Variants in AGFG2 observed in about 807,000 individuals in gnomAD.
AGFG2 encodes ArfGAP with FG repeats 2.
AGFG2 carries 31 observed loss-of-function variants against 48.0 expected under a neutral mutation model. The observed-to-expected ratio is 0.65, with a 90% CI of 0.49 to 0.87. AGFG2 has a LOEUF of 0.87. Ranked by LOEUF, AGFG2 falls within the 40% of genes least tolerant of loss-of-function variation. AGFG2 has a pLI of 0.00. For missense variants in AGFG2, 599 were observed against 632.6 expected, an observed-to-expected ratio of 0.95 and a Z score of 0.57; for synonymous variants, 229 against 260.8, an observed-to-expected ratio of 0.88 and a Z score of 1.18.
chr7:100,564,734 C>T (rs2131127998), intron 11 of AGFG2, among the ~76,000 whole-genome samples, 198 bp from the exon 12 acceptor site: 1 of 152,186 alleles, frequency 6.6e-6, no homozygotes, highest in African/African-American at 2.4e-5. Flanking sequence ...GAACTCCTGA[C>T]CTCAGGTGAT....
At chr7:100,543,937 C>T (rs1162588803) in intron 1 of AGFG2, among the ~76,000 whole-genome samples, 1 of 152,228 alleles carries the variant, frequency 6.6e-6, no homozygotes, top group Admixed American at 6.5e-5. Context: ...CCAACATACA[C>T]ATATGCTTGT....
intron 1 of AGFG2, 81 bp downstream of exon 1, chr7:100,539,648 G>C (rs980963056): frequency 8.9e-7 from 1 of 1,125,804 alleles, no homozygotes; most frequent in African/African-American, 1.6e-5. Flanking sequence ...TCCGGGGCGC[G>C]AGGGAAGGGG....
intron 1 of AGFG2, among the ~76,000 whole-genome samples, chr7:100,545,932 A>G (rs1240210798): frequency 6.6e-6 from 1 of 152,170 alleles, no homozygotes; most frequent in Non-Finnish European, 1.5e-5. Context: ...CTCATAGGCC[A>G]TGTAACTAGG....
At position 100,562,172 on chromosome 7, in the gene AGFG2, TCAC is replaced by T; in HGVS notation, c.878-76_878-74del. 3 of 1,529,798 alleles carry T rather than the reference TCAC, an allele frequency of 2.0e-6. No homozygotes were observed. The highest frequency in any genetic ancestry group is 2.7e-6 in the Non-Finnish European group (3 of 1,129,244). 94.8% of individuals were successfully genotyped at this position (1,529,798 alleles called of 1,614,324 possible). On this transcript the variant is annotated intron_variant, in intron 6 of 11. Transcript: ENST00000300176. This position sits in a 1 kb window ranked among gnomAD's most constrained non-coding sequence, Gnocchi z 5.4. ...CCTGTCATGCCATGACTCCAATCCA[TCAC>T]CACCACCACCTCCATCTGCTCTCCT... is the stretch of plus-strand genomic sequence containing the variant.
intron 6 of AGFG2, among the ~76,000 whole-genome samples, chr7:100,560,221 CAGGCTGG>C (rs1800837317): frequency 6.6e-6 from 1 of 152,034 alleles, no homozygotes; most frequent in Non-Finnish European, 1.5e-5. Context: ...CCCTGTCGCC[CAGGCTGG>C]AGTGCAGTGG....
chr7:100,552,860 G>A (rs982622960), intron 3 of AGFG2, among the ~76,000 whole-genome samples: 1 of 151,984 alleles, frequency 6.6e-6, no homozygotes, highest in African/African-American at 2.4e-5. Flanking sequence ...ATAAAAGAGG[G>A]GGACCTTTGC....
intron 3 of AGFG2, 56 bp from the exon 4 acceptor site, chr7:100,553,291 G>C (rs1011489900): frequency 2.1e-5 from 33 of 1,595,668 alleles, no homozygotes; most frequent in Non-Finnish European, 2.7e-5. Flanking sequence ...CATCTCAGCT[G>C]AGCGTGGTCC....
chr7:100,553,244 A>G, intron 3 of AGFG2, 103 bp from the exon 4 acceptor site: 1 of 1,425,996 alleles, frequency 7.0e-7, no homozygotes, highest in Non-Finnish European at 9.7e-7. Context: ...CAGTAGAGAA[A>G]AATGAGCATA....
intron 1 of AGFG2, among the ~76,000 whole-genome samples, chr7:100,540,689 A>C (rs1015781912): frequency 1.3e-5 from 2 of 152,134 alleles, no homozygotes; most frequent in Admixed American, 1.3e-4. Flanking sequence ...GTCTTATTTT[A>C]AGACACTGTT....
chr7:100,563,267 C>T (rs1024453164), intron 9 of AGFG2, among the ~76,000 whole-genome samples: 2 of 152,184 alleles, frequency 1.3e-5, no homozygotes, highest in Non-Finnish European at 2.9e-5. Context: ...TTCTGTGTCC[C>T]GAAGCTTAAG....
intron 6 of AGFG2, among the ~76,000 whole-genome samples, chr7:100,556,782 A>G (rs1434083673): frequency 6.6e-6 from 1 of 152,242 alleles, no homozygotes; most frequent in Admixed American, 6.5e-5. Context: ...AGCTGAGACC[A>G]GAGCCCAGAC....
chr7:100,540,120 A>T (rs754691113), intron 1 of AGFG2, among the ~76,000 whole-genome samples: 17 of 118,754 alleles, frequency 1.4e-4, no homozygotes, highest in African/African-American at 3.4e-4. Context: ...GTACAGGATT[A>T]AAAAAAAAAA....
chr7:100,564,903 C>T, intron 11 of AGFG2, 29 bp from the exon 12 acceptor site: 2 of 1,612,836 alleles, frequency 1.2e-6, no homozygotes, highest in Non-Finnish European at 1.7e-6. Flanking sequence ...TCTCCCCTAA[C>T]TGGAAAATGT....
At chr7:100,551,044 A>T (rs1266793306) in intron 3 of AGFG2, among the ~76,000 whole-genome samples, 1 of 69,654 alleles carries the variant, frequency 1.4e-5, no homozygotes, top group Non-Finnish European at 3.2e-5. Flanking sequence ...ATATATATAT[A>T]TATATATATA....
At chr7:100,552,977 C>T (rs527702748) in intron 3 of AGFG2, among the ~76,000 whole-genome samples, 2 of 151,954 alleles carry the variant, frequency 1.3e-5, no homozygotes, top group Non-Finnish European at 1.5e-5. Flanking sequence ...AGTGAGACCT[C>T]TTCTCTACAA....
At chr7:100,556,263 GA>G (rs1435198685) in intron 6 of AGFG2, 2 of 194,676 alleles carry the variant, frequency 1.0e-5, no homozygotes, top group Non-Finnish European at 2.2e-5. Context: ...TGTAGTGAGT[GA>G]TTATTGTGCC....
chr7:100,555,330 G>A (rs1483416659), intron 5 of AGFG2, among the ~76,000 whole-genome samples: 1 of 132,218 alleles, frequency 7.6e-6, no homozygotes, highest in Non-Finnish European at 1.6e-5. Flanking sequence ...CTAGAGTAGA[G>A]TGGCACAATC....
At chr7:100,548,206 C>A (rs1426928322) in intron 1 of AGFG2, among the ~76,000 whole-genome samples, 1 of 152,046 alleles carries the variant, frequency 6.6e-6, no homozygotes, top group Non-Finnish European at 1.5e-5. Context: ...CTAGAGGAGG[C>A]TTCTGGATGG....
intron 1 of AGFG2, among the ~76,000 whole-genome samples, chr7:100,541,700 T>G: frequency 6.7e-6 from 1 of 148,900 alleles, no homozygotes; most frequent in East Asian, 2.0e-4. Flanking sequence ...GAGGTGGAGG[T>G]TGCAATGAGC....
Sources: allele counts gnomAD v4.1 joint callset (sites outside exome capture counted in the v4.1 genomes callset), GRCh38; gene constraint gnomAD v4.1.1; non-coding constraint Gnocchi (gnomAD v3.1); transcripts MANE v1.5; gene names NCBI Gene and HGNC (gene_info 2026-07-23, HGNC 2026-07-21).